DENND6A: variants seen among roughly 807,000 people sequenced by gnomAD.
The protein encoded by DENND6A is DENN domain containing 6A.
Under a neutral mutation model 95.5 loss-of-function variants are expected in DENND6A, and 43 were observed. The observed-to-expected ratio is 0.45, with a 90% CI of 0.35 to 0.58. DENND6A has a LOEUF of 0.58. Among genes scored for constraint, DENND6A ranks in the 20% least tolerant of loss-of-function variants. DENND6A has a pLI of 0.00. For synonymous variants in DENND6A, 257 were observed against 260.4 expected (o/e 0.99, Z 0.13); for missense variants, 574 against 736.0 (o/e 0.78, Z 2.55).
intron 12 of DENND6A, 134 bp from the exon 13 acceptor site, chr3:57,634,903 T>G: frequency 1.6e-6 from 1 of 644,084 alleles, no homozygotes. Context: ...TCTATTAATA[T>G]GTTAAGGGTT....
At chr3:57,660,269 AC>A (rs2071398125) in intron 7 of DENND6A, among the ~76,000 whole-genome samples, 1 of 149,964 alleles carries the variant, frequency 6.7e-6, no homozygotes, top group Admixed American at 6.7e-5. Flanking sequence ...AACCTGGCTC[AC>A]TGCAGTCTCA....
intron 1 of DENND6A, among the ~76,000 whole-genome samples, chr3:57,676,544 T>C (rs2071713111): frequency 6.6e-6 from 1 of 152,084 alleles, no homozygotes; most frequent in Non-Finnish European, 1.5e-5. Context: ...AATAGTTATA[T>C]GTACTGTACT....
Position 57,659,125 on chromosome 3 carries a change from G to A in DENND6A, c.755C>T (p.Thr252Ile). 6.2e-7 allele frequency: 1 copy of A among 1,614,018 alleles called. No homozygotes were observed. Among genetic ancestry groups the A allele is most frequent in the Non-Finnish European group, 8.5e-7 (1 of 1,179,990 alleles). The part of the protein sequence containing the change: ...KPGTTQIVQL[T>I]QQVDTNISVI... Reference sequence around the variant, plus strand: ...ACCATAGTACCACACTACCTGCTGAGTTAACTGCACTATTTGAGTTGTCCC... The same window carrying A: ...ACCATAGTACCACACTACCTGCTGAATTAACTGCACTATTTGAGTTGTCCC... The change falls in exon 8 of 20, where the codon ACT (threonine) becomes ATT (isoleucine). Residue 252 changes from threonine (T) to isoleucine (I), a missense_variant. Thr to Ile is a moderately conservative substitution (Grantham distance 89). This residue lies in a region of DENND6A where 452 missense variants were observed against 630.9 expected (regional missense o/e 0.72). Coordinates refer to ENST00000311128, the MANE Select transcript of DENND6A (RefSeq NM_152678.3).
At chr3:57,670,604 T>C (rs1045991475) in intron 3 of DENND6A, among the ~76,000 whole-genome samples, 2 of 152,220 alleles carry the variant, frequency 1.3e-5, no homozygotes, top group South Asian at 4.1e-4. Context: ...TATGTCCTGC[T>C]TTTAGGCATA....
intron 1 of DENND6A, among the ~76,000 whole-genome samples, chr3:57,684,766 T>C (rs1401303622): frequency 6.6e-6 from 1 of 152,038 alleles, no homozygotes; most frequent in Non-Finnish European, 1.5e-5. Context: ...CTGTCTCAAA[T>C]AAATAAATAA....
chr3:57,693,020 G>T lies in DENND6A; in HGVS notation c.-2C>A. 6.8e-7 allele frequency: 1 copy of T among 1,460,112 alleles called. No individual in the cohort carries two copies. Among genetic ancestry groups the T allele is most frequent in the Non-Finnish European group, 8.9e-7 (1 of 1,118,760 alleles). The allele number at this position is 1,460,112 out of a possible 1,614,324, so 90.4% of individuals were successfully genotyped here. A position where few individuals can be genotyped will look rare whatever the true frequency, so the allele number is the denominator to read the frequency against. Reference sequence around the variant, plus strand: ...GCCCGCAGGGCCCCTCAAAGCCATCGGCCGCCCCCTGACCGTTCGCGCCGC... The same window carrying T: ...GCCCGCAGGGCCCCTCAAAGCCATCTGCCGCCCCCTGACCGTTCGCGCCGC... On this transcript the variant is annotated 5_prime_UTR_variant, in exon 1 of 20. Coordinates refer to ENST00000311128, the MANE Select transcript of DENND6A (RefSeq NM_152678.3).
chr3:57,686,167 T>C (rs1329195712), intron 1 of DENND6A, among the ~76,000 whole-genome samples: 1 of 152,204 alleles, frequency 6.6e-6, no homozygotes, highest in Non-Finnish European at 1.5e-5. Flanking sequence ...AGCCTCATTT[T>C]CAATAAGCAT....
At position 57,625,995 on chromosome 3, in the gene DENND6A, T is replaced by G. The variant is rs2070519729; in HGVS notation, c.*2219A>C. ...GTACAATTATTAAAATATACCTTTTTGAAAAATAATAAGATGACCATTTAT... is the reference window on the plus strand; with the variant it reads ...GTACAATTATTAAAATATACCTTTTGGAAAAATAATAAGATGACCATTTAT... On this transcript the variant is annotated 3_prime_UTR_variant, in exon 20 of 20. Coordinates refer to ENST00000311128, the MANE Select transcript of DENND6A (RefSeq NM_152678.3). 2 of 152,624 alleles carry G rather than the reference T, an allele frequency of 1.3e-5. No homozygotes were observed. 9.5% of individuals were successfully genotyped at this position (152,624 alleles called of 1,614,324 possible).
In DENND6A at chr3:57,630,996, G is replaced by C; in HGVS notation, c.1354-18C>G. 6.2e-7 allele frequency: 1 copy of C among 1,607,594 alleles called. No homozygotes were observed. Among genetic ancestry groups the C allele is most frequent in the Non-Finnish European group, 8.5e-7 (1 of 1,178,356 alleles). ...TATCTTTCCTAAAACCAAGAAAAAA[G>C]TTAATAAAAGGAGTGTCTTCAAAAA... On this transcript the variant is annotated intron_variant, in intron 15 of 19. Transcript: ENST00000311128.
intron 11 of DENND6A, among the ~76,000 whole-genome samples, chr3:57,642,879 G>A (rs11710364): frequency 0.13 from 20,420 of 151,762 alleles, 1,448 homozygotes; most frequent in South Asian, 0.21. Flanking sequence ...GGTGGCAGGC[G>A]CCTGTAATCC....
At chr3:57,658,923 G>A (rs2071376110) in intron 8 of DENND6A, among the ~76,000 whole-genome samples, 195 bp downstream of exon 8, 2 of 151,930 alleles carry the variant, frequency 1.3e-5, no homozygotes, top group Non-Finnish European at 2.9e-5. Flanking sequence ...GTCTCTACTG[G>A]AGAAATAACA....
At chr3:57,641,608 A>G in intron 12 of DENND6A, 45 bp downstream of exon 12, 1 of 1,503,094 alleles carries the variant, frequency 6.7e-7, no homozygotes, top group Non-Finnish European at 9.0e-7. Flanking sequence ...AAACCTGTTC[A>G]GCAACACTGC....
intron 3 of DENND6A, among the ~76,000 whole-genome samples, chr3:57,671,246 CG>C (rs2071611406): frequency 6.6e-6 from 1 of 152,130 alleles, no homozygotes; most frequent in Non-Finnish European, 1.5e-5. Flanking sequence ...AGTAACCGGC[CG>C]GGTGTGGTGG....
intron 11 of DENND6A, among the ~76,000 whole-genome samples, chr3:57,643,493 T>C (rs1474984540): frequency 1.3e-5 from 2 of 152,110 alleles, no homozygotes; most frequent in Admixed American, 6.6e-5. Context: ...ATTTCAGTCA[T>C]TAACATGGGG....
chr3:57,683,768 T>TG (rs1004731282), intron 1 of DENND6A, among the ~76,000 whole-genome samples: 3 of 152,124 alleles, frequency 2.0e-5, no homozygotes, highest in Admixed American at 1.3e-4. Flanking sequence ...CACAGTATAG[T>TG]GGGGGGAAAT....
rs556761028 is a variant in DENND6A, at chr3:57,642,965, C to T, written c.1038-1218G>A. On this transcript the variant is annotated intron_variant, in intron 11 of 19. Coordinates refer to ENST00000311128, the MANE Select transcript of DENND6A (RefSeq NM_152678.3). Reference sequence around the variant, plus strand: ...AGGTTGCAGTGAGCCAAGATCGCGCCATCACACTCCAACTTGGGGGACAAG... The same window carrying T: ...AGGTTGCAGTGAGCCAAGATCGCGCTATCACACTCCAACTTGGGGGACAAG... Among the ~76,000 whole-genome samples the T allele has an allele frequency of 4.9e-5, 7 of 143,978 alleles. No individual in the cohort carries two copies. The Admixed American group carries it at 5.0e-4, about 10-fold the overall frequency. The allele number at this position is 143,978 out of a possible 152,430, so 94.5% of individuals were successfully genotyped here.
At chr3:57,664,660 C>T (rs2071497987) in intron 4 of DENND6A, among the ~76,000 whole-genome samples, 1 of 152,112 alleles carries the variant, frequency 6.6e-6, no homozygotes, top group African/African-American at 2.4e-5. Flanking sequence ...TGGTGAATCC[C>T]TGTCTCTACT....
chr3:57,659,106 G>C lies in DENND6A; in HGVS notation c.762+12C>G, dbSNP rs769387866. ...ATATGTGCTGGATCATTCTACCATA[G>C]TACCACACTACCTGCTGAGTTAACT... On this transcript the variant is annotated intron_variant, in intron 8 of 19. Transcript: ENST00000311128. 1.9e-6 allele frequency: 3 copies of C among 1,613,694 alleles called. No individual in the cohort carries two copies. The highest frequency in any genetic ancestry group is 2.5e-6 in the Non-Finnish European group (3 of 1,179,788).
rs1295865891 is a variant in DENND6A, at chr3:57,630,951, A to G, written c.1381T>C (p.Leu461=). The part of the protein sequence containing the change: ...LERYVASLMP[L]QKSISPWKSP... ...TTCCATGGGGAAATACTTTTCTGCA[A>G]AGGCATCAAGCTTGCCACATATCTT... Residue 461 remains leucine (L), a synonymous_variant, in exon 16 of 20, where the codon TTG becomes CTG. Coordinates refer to ENST00000311128, the MANE Select transcript of DENND6A (RefSeq NM_152678.3). The G allele has an allele frequency of 3.1e-6, 5 of 1,613,528 alleles. No individual in the cohort carries two copies. The highest frequency in any genetic ancestry group is 1.3e-5 in the African/African-American group (1 of 75,018).
Sources: gnomAD v4.1 joint callset for allele counts (sites outside exome capture counted in the v4.1 genomes callset) on GRCh38, gnomAD v4.1.1 for gene constraint, gnomAD v4.1.1 regional missense constraint, MANE v1.5 for transcripts, NCBI Gene and HGNC (gene_info 2026-07-23, HGNC 2026-07-21) for gene names.